Variants in LGR5 observed in about 807,000 individuals in gnomAD.
LGR5 encodes leucine rich repeat containing G protein-coupled receptor 5.
In LGR5, 54 loss-of-function variants were observed where a neutral mutation model predicts 76.7. The ratio of observed to expected loss-of-function variants is 0.70; its 90% confidence interval spans 0.57 to 0.88. LGR5 has a LOEUF of 0.88. LGR5 is among the 40% of genes least tolerant of loss of function. The pLI is 0.00. For missense variants in LGR5, 1,078 were observed against 1,073.3 expected, an observed-to-expected ratio of 1.00 and a Z score of -0.06; for synonymous variants, 406 against 421.9, an observed-to-expected ratio of 0.96 and a Z score of 0.46.
chr12:71,534,081 A>G (rs1466102686), intron 3 of LGR5, among the ~76,000 whole-genome samples: 2 of 152,242 alleles, frequency 1.3e-5, no homozygotes, highest in Non-Finnish European at 2.9e-5. Context: ...CAAGTTTGCA[A>G]CTTAATAAGT....
At chr12:71,564,996 C>T (rs563833163) in intron 8 of LGR5, among the ~76,000 whole-genome samples, 10 of 136,908 alleles carry the variant, frequency 7.3e-5, no homozygotes, top group East Asian at 4.3e-4. Flanking sequence ...TATATATATA[C>T]GTACATGTAT....
chr12:71,572,734 C>T (rs1318563488), intron 12 of LGR5, 116 bp from the exon 13 acceptor site: 1 of 696,184 alleles, frequency 1.4e-6, no homozygotes, highest in African/African-American at 1.8e-5. Flanking sequence ...TTGATAGATA[C>T]ACTTCATGTG....
At chr12:71,520,572 A>G (rs750371650) in intron 2 of LGR5, among the ~76,000 whole-genome samples, 3 of 152,184 alleles carry the variant, frequency 2.0e-5, no homozygotes, top group Non-Finnish European at 2.9e-5. Flanking sequence ...TTGCAGGGAC[A>G]TAGATGAAAC....
intron 1 of LGR5, among the ~76,000 whole-genome samples, chr12:71,456,948 A>C (rs1285318055): frequency 6.6e-6 from 1 of 152,070 alleles, no homozygotes; most frequent in East Asian, 1.9e-4. Flanking sequence ...TGAAACCCTA[A>C]AATTTGTTCA....
chr12:71,495,014 C>A (rs1036812124), intron 1 of LGR5, among the ~76,000 whole-genome samples: 3 of 151,022 alleles, frequency 2.0e-5, no homozygotes, highest in African/African-American at 7.4e-5. Flanking sequence ...ATGGACTCAG[C>A]AGGTACCTTT....
chr12:71,488,109 A>G (rs1592483353), intron 1 of LGR5, among the ~76,000 whole-genome samples: 1 of 152,212 alleles, frequency 6.6e-6, no homozygotes, highest in South Asian at 2.1e-4. Flanking sequence ...ATAGGCAGCA[A>G]TTGCTTTGGT....
chr12:71,449,377 C>T (rs1013603288), intron 1 of LGR5, among the ~76,000 whole-genome samples: 13 of 152,292 alleles, frequency 8.5e-5, no homozygotes, highest in South Asian at 2.1e-4. Context: ...TTCTCTGGGA[C>T]TCAGTGCAAT....
At chr12:71,525,097 T>A (rs1875924512) in intron 3 of LGR5, among the ~76,000 whole-genome samples, 1 of 152,194 alleles carries the variant, frequency 6.6e-6, no homozygotes, top group Non-Finnish European at 1.5e-5. Context: ...ATTGTTTAAT[T>A]TTCTTTTAGT....
rs140636499 is a variant in LGR5, at chr12:71,584,677, T to A, written c.2667T>A (p.Ala889=). ...DLPPSSVPSP[A]YPVTESCHLS... ...CTCCCAGTTCCGTGCCATCACCAGC[T>A]TATCCAGTGACTGAGAGCTGCCATC... Residue 889 remains alanine, a synonymous_variant, in exon 18 of 18, where the codon GCT becomes GCA. Transcript: ENST00000266674. The A allele has an allele frequency of 1.1e-5, 17 of 1,613,976 alleles. No homozygotes were observed. Among genetic ancestry groups the A allele is most frequent in the Non-Finnish European group, 1.1e-5 (13 of 1,179,922 alleles).
At chr12:71,442,263 C>T (rs1015681790) in intron 1 of LGR5, among the ~76,000 whole-genome samples, 3 of 152,198 alleles carry the variant, frequency 2.0e-5, no homozygotes, top group Non-Finnish European at 4.4e-5. Context: ...CCACATACCT[C>T]AAATGCATTT....
chr12:71,532,090 C>T (rs1876345991), intron 3 of LGR5, among the ~76,000 whole-genome samples: 1 of 152,052 alleles, frequency 6.6e-6, no homozygotes, highest in South Asian at 2.1e-4. Flanking sequence ...TACCTTGTAC[C>T]AGTAATATAT....
chr12:71,552,392 C>T (rs540650362), intron 4 of LGR5, among the ~76,000 whole-genome samples: 2 of 152,100 alleles, frequency 1.3e-5, no homozygotes, highest in African/African-American at 4.8e-5. Context: ...TGGTGAAACC[C>T]TGTCTCTACT....
At chr12:71,444,414 C>T (rs988618672) in intron 1 of LGR5, among the ~76,000 whole-genome samples, 3 of 151,870 alleles carry the variant, frequency 2.0e-5, no homozygotes, top group Non-Finnish European at 4.4e-5. Flanking sequence ...GATAATTAGT[C>T]TAAGTAATTT....
Position 71,531,223 on chromosome 12 carries a change from T to C in LGR5, c.357-3892T>C, listed in dbSNP as rs1016854571. ...TACACCTATATTCAGTATCTTTATA[T>C]TGCATGTACTCAGTAAGGAGTATTT... On this transcript the variant is annotated intron_variant, in intron 3 of 17. Coordinates refer to ENST00000266674, the MANE Select transcript of LGR5 (RefSeq NM_003667.4). Among the ~76,000 whole-genome samples, 8 of 152,202 alleles carry C rather than the reference T, an allele frequency of 5.3e-5. No homozygotes were observed. The East Asian group carries it at 9.6e-4, about 18-fold the overall frequency.
chr12:71,564,543 T>C (rs1280831313), intron 8 of LGR5, among the ~76,000 whole-genome samples: 3 of 41,220 alleles, frequency 7.3e-5, no homozygotes, highest in African/African-American at 2.7e-4. Flanking sequence ...TATGCATATA[T>C]ACGTATCTGT....
At chr12:71,578,324 T>C (rs1878946774) in intron 14 of LGR5, among the ~76,000 whole-genome samples, 1 of 152,210 alleles carries the variant, frequency 6.6e-6, no homozygotes, top group African/African-American at 2.4e-5. Context: ...CCATTTTGAC[T>C]GATAGAGAAT....
intron 4 of LGR5, among the ~76,000 whole-genome samples, chr12:71,549,352 T>A (rs1877362618): frequency 6.6e-6 from 1 of 152,164 alleles, no homozygotes; most frequent in Non-Finnish European, 1.5e-5. Flanking sequence ...TTAGACAGGA[T>A]GAATAACTTC....
intron 3 of LGR5, among the ~76,000 whole-genome samples, 179 bp from the exon 4 acceptor site, chr12:71,534,936 A>G (rs1284164641): frequency 6.6e-6 from 1 of 152,172 alleles, no homozygotes; most frequent in African/African-American, 2.4e-5. Flanking sequence ...TCATGTTAAT[A>G]TATTCATTTG....
chr12:71,523,825 A>G (rs1197206482), intron 2 of LGR5, among the ~76,000 whole-genome samples: 1 of 152,216 alleles, frequency 6.6e-6, no homozygotes, highest in East Asian at 1.9e-4. Context: ...AATGTCCTTC[A>G]TACTAATCTC....
Sources: gnomAD v4.1 joint callset for allele counts (sites outside exome capture counted in the v4.1 genomes callset) on GRCh38, gnomAD v4.1.1 for gene constraint, MANE v1.5 for transcripts, NCBI Gene and HGNC (gene_info 2026-07-23, HGNC 2026-07-21) for gene names.